COLEC12: variants seen among roughly 807,000 people sequenced by gnomAD.
COLEC12 encodes collectin subfamily member 12.
Under a neutral mutation model 71.1 loss-of-function variants are expected in COLEC12, and 33 were observed. The observed-to-expected ratio is 0.46, with a 90% confidence interval of 0.35 to 0.62. The LOEUF is 0.62. Ranked by LOEUF, COLEC12 falls within the 20% of genes least tolerant of loss-of-function variation. COLEC12 has a pLI of 0.00. For synonymous variants in COLEC12, 350 were observed against 353.0 expected (o/e 0.99, Z 0.10); for missense variants, 765 against 916.1 (o/e 0.84, Z 2.13).
At chr18:472,804 A>C (rs1917227744) in intron 2 of COLEC12, among the ~76,000 whole-genome samples, 1 of 151,032 alleles carries the variant, frequency 6.6e-6, no homozygotes, top group South Asian at 2.1e-4. Context: ...TATAGGAGGG[A>C]GGGCAGTAAG....
chr18:479,024 T>C (rs961096252), intron 2 of COLEC12, among the ~76,000 whole-genome samples: 3 of 152,146 alleles, frequency 2.0e-5, no homozygotes, highest in Non-Finnish European at 2.9e-5. Flanking sequence ...AGAGACTTTC[T>C]CTCTTGGTTC....
intron 1 of COLEC12, among the ~76,000 whole-genome samples, chr18:495,638 T>C (rs947580170): frequency 6.6e-6 from 1 of 152,240 alleles, no homozygotes; most frequent in African/African-American, 2.4e-5. Flanking sequence ...AGACCTTTGA[T>C]GCTAGGTCAT....
chr18:379,613 C>G, intron 2 of COLEC12, among the ~76,000 whole-genome samples: 1 of 151,892 alleles, frequency 6.6e-6, no homozygotes, highest in Non-Finnish European at 1.5e-5. Context: ...AGTCAAAGCC[C>G]AAAATATAAA....
At chr18:499,151 G>A (rs1917769842) in intron 1 of COLEC12, among the ~76,000 whole-genome samples, 1 of 152,208 alleles carries the variant, frequency 6.6e-6, no homozygotes, top group Admixed American at 6.5e-5. Context: ...AGGAATGTGT[G>A]TATTTCCTAG....
At chr18:487,441 G>C (rs979918743) in intron 1 of COLEC12, among the ~76,000 whole-genome samples, 3 of 152,148 alleles carry the variant, frequency 2.0e-5, no homozygotes, top group Non-Finnish European at 4.4e-5. Flanking sequence ...ACATTGAATT[G>C]TACACGTTAA....
rs1567898998 is a variant in COLEC12 at position 408,264 on chromosome 18, G to A, written c.59-50742C>T. Among the ~76,000 whole-genome samples, 5 of 152,114 alleles carry A rather than the reference G, an allele frequency of 3.3e-5. No individual in the cohort carries two copies. Among genetic ancestry groups the A allele is most frequent in the East Asian group, 1.9e-4 (1 of 5,190 alleles). ...TAGGTACAATGATACCTGAGAAAACGTTATTAAAAGGTCAGCACAGTGCCT... is the reference window on the plus strand; with the variant it reads ...TAGGTACAATGATACCTGAGAAAACATTATTAAAAGGTCAGCACAGTGCCT... On this transcript the variant is annotated intron_variant, in intron 2 of 9. Coordinates refer to ENST00000400256, the MANE Select transcript of COLEC12 (RefSeq NM_130386.3). The surrounding 1 kb of genome is among the most constrained non-coding windows in gnomAD (Gnocchi z 4.3).
At chr18:437,593 G>A (rs1598363024) in intron 2 of COLEC12, among the ~76,000 whole-genome samples, 2 of 152,076 alleles carry the variant, frequency 1.3e-5, no homozygotes, top group African/African-American at 4.8e-5. Context: ...GTCTCTTTAC[G>A]ATATTCCTAA....
intron 2 of COLEC12, among the ~76,000 whole-genome samples, chr18:466,638 A>T (rs113813237): frequency 2.1e-3 from 318 of 152,340 alleles, no homozygotes; most frequent in Middle Eastern, 0.01. Flanking sequence ...AAGCACTCAA[A>T]CCTGTTACTC....
intron 2 of COLEC12, among the ~76,000 whole-genome samples, chr18:365,922 A>C (rs1914845774): frequency 1.3e-5 from 2 of 150,954 alleles, no homozygotes; most frequent in African/African-American, 2.4e-5. Context: ...CCTCTCTCCT[A>C]CTCCCCCCAC....
intron 1 of COLEC12, among the ~76,000 whole-genome samples, chr18:495,880 G>C (rs960175493): frequency 2.0e-5 from 3 of 152,182 alleles, no homozygotes; most frequent in African/African-American, 7.2e-5. Flanking sequence ...CCTTAGACAA[G>C]TAACACAACC....
Position 423,967 on chromosome 18 carries a change from G to C in COLEC12, c.58+56740C>G, listed in dbSNP as rs182772693. On this transcript the variant is annotated intron_variant, in intron 2 of 9. Coordinates refer to ENST00000400256, the MANE Select transcript of COLEC12 (RefSeq NM_130386.3). Reference sequence around the variant, plus strand: ...CTCATCTCTCTCATCCTAGAAGACAGTCTCTTGCTCCTTCCAAATGGGAGG... The same window carrying C: ...CTCATCTCTCTCATCCTAGAAGACACTCTCTTGCTCCTTCCAAATGGGAGG... 12 of 152,280 alleles carry C rather than the reference G, an allele frequency of 7.9e-5. 1 individual carries two copies. In the East Asian group the frequency reaches 1.9e-3, roughly 24 times the overall value. The allele number at this position is 152,280 out of a possible 1,614,324, so 9.4% of individuals were successfully genotyped here. A position where few individuals can be genotyped will look rare whatever the true frequency, so the allele number is the denominator to read the frequency against.
intron 3 of COLEC12, among the ~76,000 whole-genome samples, chr18:355,250 C>G (rs548910089): frequency 2.0e-5 from 3 of 152,248 alleles, no homozygotes; most frequent in East Asian, 3.9e-4. Flanking sequence ...TCTAATGACA[C>G]AGTGTGACAG....
At chr18:412,994 A>G (rs1430523647) in intron 2 of COLEC12, among the ~76,000 whole-genome samples, 1 of 152,246 alleles carries the variant, frequency 6.6e-6, no homozygotes. Context: ...ATTACGATTT[A>G]AAGATGGAGA....
Position 321,681 on chromosome 18 carries a change from G to A in COLEC12, c.2190C>T (p.Cys730=), listed in dbSNP as rs765267496. 6 of 1,613,898 alleles carry A rather than the reference G, an allele frequency of 3.7e-6. No homozygotes were observed. The highest frequency in any genetic ancestry group is 2.2e-5 in the South Asian group (2 of 91,080). ...GCTCACCTGTCTCCCTGTCTTTTTC[G>A]CAAATGAAGTTATTGACGTCTTCAC... The part of the protein sequence containing the change: ...FQCEDVNNFI[C]EKDRETVLSS... Residue 730 remains cysteine (C), a synonymous_variant, in exon 9 of 10, where the codon TGC becomes TGT. Transcript: ENST00000400256.
chr18:440,004 CA>C (rs1916482799), intron 2 of COLEC12, among the ~76,000 whole-genome samples: 1 of 152,044 alleles, frequency 6.6e-6, no homozygotes, highest in Admixed American at 6.6e-5. Flanking sequence ...CACACACACA[CA>C]CACTGGAATA....
rs1211804761 is a variant in COLEC12, at chr18:477,090, G to C, written c.58+3617C>G. On this transcript the variant is annotated intron_variant, in intron 2 of 9. Coordinates refer to ENST00000400256, the MANE Select transcript of COLEC12 (RefSeq NM_130386.3). Reference sequence around the variant, plus strand: ...TATATGGAAAGACTGAAGAAAAACAGAAGACCTGGTTGAGACTAAAATGCA... The same window carrying C: ...TATATGGAAAGACTGAAGAAAAACACAAGACCTGGTTGAGACTAAAATGCA... 3.9e-5 allele frequency among the ~76,000 whole-genome samples: 6 copies of C among 152,296 alleles called. 1 individual carries two copies. Among genetic ancestry groups the C allele is most frequent in the African/African-American group, 1.4e-4 (6 of 41,582 alleles).
chr18:360,825 G>C (rs1045598330), intron 2 of COLEC12, among the ~76,000 whole-genome samples: 1 of 152,152 alleles, frequency 6.6e-6, no homozygotes, highest in Non-Finnish European at 1.5e-5. Flanking sequence ...CAGACCTAGA[G>C]TAAATAAACT....
Position 347,889 on chromosome 18 carries a change from C to G in COLEC12, c.280+176G>C, listed in dbSNP as rs188801791. 6.3e-4 allele frequency among the ~76,000 whole-genome samples: 95 copies of G among 151,872 alleles called. No homozygotes were observed. In the East Asian group the frequency reaches 9.3e-3, roughly 15 times the overall value. On this transcript the variant is annotated intron_variant, in intron 4 of 9. Transcript: ENST00000400256. ...GGCAGGACTTAATTCCAAAACTGAC[C>G]CTTAACTTTAAAATTTAAGCATTTG...
At chr18:425,966 T>A (rs1031297024) in intron 2 of COLEC12, among the ~76,000 whole-genome samples, 1 of 152,190 alleles carries the variant, frequency 6.6e-6, no homozygotes. Context: ...TTTTCCCACA[T>A]CACCTCATCT....
Sources: gnomAD v4.1 joint callset for allele counts (sites outside exome capture counted in the v4.1 genomes callset) on GRCh38, gnomAD v4.1.1 for gene constraint, Gnocchi (gnomAD v3.1) non-coding constraint, MANE v1.5 for transcripts, NCBI Gene and HGNC (gene_info 2026-07-23, HGNC 2026-07-21) for gene names.